The following CSGALNACT1 variants were observed in gnomAD, a reference collection of about 807,000 sequenced individuals.
The protein encoded by CSGALNACT1 is chondroitin sulfate N-acetylgalactosaminyltransferase 1.
A neutral mutation model predicts 51.0 loss-of-function variants in CSGALNACT1; 52 were observed. The observed-to-expected ratio is 1.02, with a 90% CI of 0.82 to 1.29. The LOEUF (loss-of-function observed/expected upper bound fraction) is 1.29. Among genes scored for constraint, CSGALNACT1 ranks in the 50% most tolerant of loss-of-function variants. The pLI is 0.00. For synonymous variants in CSGALNACT1, 341 were observed against 254.4 expected, an observed-to-expected ratio of 1.34 and a Z score of -3.24; for missense variants, 935 against 679.2, an observed-to-expected ratio of 1.38 and a Z score of -4.19.
chr8:19,498,535 A>T (rs1271206083), intron 4 of CSGALNACT1, among the ~76,000 whole-genome samples: 3 of 151,970 alleles, frequency 2.0e-5, no homozygotes, highest in African/African-American at 7.2e-5. Flanking sequence ...CACGGAGAAC[A>T]CATGTCCTTC....
chr8:19,738,644 T>C (rs1354693037), intron 1 of CSGALNACT1, among the ~76,000 whole-genome samples: 1 of 152,154 alleles, frequency 6.6e-6, no homozygotes, highest in Non-Finnish European at 1.5e-5. Flanking sequence ...ATACTATGTA[T>C]ATTTTACCAT....
intron 4 of CSGALNACT1, among the ~76,000 whole-genome samples, chr8:19,488,910 C>T (rs1207837879): frequency 3.3e-5 from 5 of 152,122 alleles, no homozygotes; most frequent in Non-Finnish European, 7.4e-5. Context: ...TCATGAGTCA[C>T]AGCAGAATAC....
chr8:19,497,903 C>T (rs982483923), intron 4 of CSGALNACT1, among the ~76,000 whole-genome samples: 11 of 152,066 alleles, frequency 7.2e-5, no homozygotes, highest in East Asian at 5.8e-4. Flanking sequence ...TACCTAAGAC[C>T]GGGAAGCCCC....
chr8:19,420,156 C>G (rs1403410250), intron 7 of CSGALNACT1, among the ~76,000 whole-genome samples, 184 bp downstream of exon 6: 1 of 152,186 alleles, frequency 6.6e-6, no homozygotes, highest in Admixed American at 6.5e-5. Context: ...TACCCAGTCT[C>G]AGGTGTGTCT....
At chr8:19,684,372 A>C (rs1296946770), upstream of CSGALNACT1, among the ~76,000 whole-genome samples, 1 of 152,196 alleles carries the variant, frequency 6.6e-6, no homozygotes, top group Non-Finnish European at 1.5e-5. Context: ...GAAAATAACT[A>C]TCTCTGCTCC....
At position 19,728,495 on chromosome 8, in the gene CSGALNACT1, T is replaced by C. The variant is rs114335716; in HGVS notation, c.-297+29355A>G. ...CACTGGTGTGAGCTGAAGATAGAATTTCATTTTAAACTCTTCTATTTCAGG... is the reference window on the plus strand; with the variant it reads ...CACTGGTGTGAGCTGAAGATAGAATCTCATTTTAAACTCTTCTATTTCAGG... On this transcript the variant is annotated intron_variant, in intron 1 of 1. Transcript: ENST00000517494. Among the ~76,000 whole-genome samples the C allele has an allele frequency of 5.4e-3, 820 of 152,224 alleles. 7 individuals carry two copies. The highest frequency in any genetic ancestry group is 0.019 in the African/African-American group (789 of 41,520).
intron 1 of CSGALNACT1, among the ~76,000 whole-genome samples, chr8:19,632,921 AT>A (rs11356104): frequency 0.47 from 68,323 of 144,868 alleles, 16,632 homozygotes; most frequent in Non-Finnish European, 0.55. Context: ...CACCCAGCTA[AT>A]TTTTTTTTCT....
At chr8:19,472,976 A>G (rs976960978) in intron 4 of CSGALNACT1, among the ~76,000 whole-genome samples, 2 of 152,210 alleles carry the variant, frequency 1.3e-5, no homozygotes, top group African/African-American at 2.4e-5. Context: ...AATTGTTCTT[A>G]CTATTATTAT....
intron 8 of CSGALNACT1, among the ~76,000 whole-genome samples, chr8:19,411,465 G>A (rs968755461): frequency 3.3e-5 from 5 of 152,162 alleles, no homozygotes; most frequent in African/African-American, 7.2e-5. Flanking sequence ...ACCAAGAGCC[G>A]TCCCTAGGGC....
At chr8:19,517,953 A>G (rs1240900301) in intron 3 of CSGALNACT1, among the ~76,000 whole-genome samples, 1 of 152,184 alleles carries the variant, frequency 6.6e-6, no homozygotes. Flanking sequence ...CATGTGTCAA[A>G]CTAACATTCT....
At chr8:19,578,190 C>G (rs897786491) in intron 3 of CSGALNACT1, among the ~76,000 whole-genome samples, 4 of 152,224 alleles carry the variant, frequency 2.6e-5, no homozygotes, top group Non-Finnish European at 4.4e-5. Context: ...ATCCCCCTAG[C>G]TAGTCACTAT....
rs183085713 is a variant in CSGALNACT1, at chr8:19,456,137, A to G, written c.851+2289T>C. On this transcript the variant is annotated intron_variant, in intron 5 of 9. Transcript: ENST00000454498. ...TAAGCTACTCATTTGACTATTCTCAATGAAACTTCCCTTCCTGTTTTCCTG... is the reference window on the plus strand; with the variant it reads ...TAAGCTACTCATTTGACTATTCTCAGTGAAACTTCCCTTCCTGTTTTCCTG... Among the ~76,000 whole-genome samples the G allele has an allele frequency of 1.1e-3, 175 of 152,314 alleles. 4 individuals carry two copies. In the South Asian group the frequency reaches 0.019, roughly 17 times the overall value.
At chr8:19,535,984 G>A (rs1340775596) in intron 3 of CSGALNACT1, among the ~76,000 whole-genome samples, 1 of 152,062 alleles carries the variant, frequency 6.6e-6, no homozygotes, top group African/African-American at 2.4e-5. Flanking sequence ...GCCAATGCAA[G>A]TGAAGAAAAA....
intron 4 of CSGALNACT1, among the ~76,000 whole-genome samples, chr8:19,484,911 C>A (rs1207245213): frequency 1.3e-5 from 2 of 152,070 alleles, no homozygotes; most frequent in Non-Finnish European, 2.9e-5. Context: ...TCATTTTTGA[C>A]CTGTCCTCAC....
At chr8:19,542,977 A>G (rs1760322601) in intron 3 of CSGALNACT1, among the ~76,000 whole-genome samples, 2 of 152,174 alleles carry the variant, frequency 1.3e-5, no homozygotes, top group Admixed American at 6.5e-5. Flanking sequence ...AGCAGAGAGC[A>G]TGGTCTAGAC....
intron 2 of CSGALNACT1, among the ~76,000 whole-genome samples, chr8:19,593,368 T>C (rs528189871): frequency 1.3e-5 from 2 of 152,344 alleles, no homozygotes; most frequent in Admixed American, 6.5e-5. Context: ...GTTCACCATA[T>C]GCAAGTGAAG....
intron 1 of CSGALNACT1, among the ~76,000 whole-genome samples, chr8:19,666,099 C>G (rs1349089338): frequency 1.3e-5 from 2 of 152,156 alleles, no homozygotes; most frequent in African/African-American, 4.8e-5. Flanking sequence ...TCCAGGCAGA[C>G]TTCAAGATTT....
At chr8:19,713,303 T>C (rs1564460244) in intron 1 of CSGALNACT1, among the ~76,000 whole-genome samples, 1 of 152,144 alleles carries the variant, frequency 6.6e-6, no homozygotes, top group Non-Finnish European at 1.5e-5. Flanking sequence ...GAGGAGGGAA[T>C]TCCATTATGA....
chr8:19,670,612 C>T (rs1432022732), intron 1 of CSGALNACT1, among the ~76,000 whole-genome samples: 1 of 118,412 alleles, frequency 8.4e-6, no homozygotes, highest in East Asian at 2.7e-4. Context: ...TAGGTGATAT[C>T]AACCCTCAGA....
Sources: gnomAD v4.1 joint callset for allele counts (sites outside exome capture counted in the v4.1 genomes callset) on GRCh38, gnomAD v4.1.1 for gene constraint, MANE v1.5 for transcripts, NCBI Gene and HGNC (gene_info 2026-07-23, HGNC 2026-07-21) for gene names.